The following SAMD5 variants were observed in gnomAD, a reference collection of about 807,000 sequenced individuals.
SAMD5 encodes sterile alpha motif domain-containing protein 5.
A neutral mutation model predicts 11.3 loss-of-function variants in SAMD5; 13 were observed. That is an observed-to-expected ratio of 1.15 (90% confidence interval 0.75 to 1.83). SAMD5 has a LOEUF of 1.83. SAMD5 is among the 40% of genes most tolerant of loss of function. The pLI, the probability that SAMD5 is intolerant of heterozygous loss-of-function variation, is 0.00. For synonymous variants in SAMD5, 129 were observed against 111.3 expected, an observed-to-expected ratio of 1.16 and a Z score of -1.00; for missense variants, 255 against 239.1, an observed-to-expected ratio of 1.07 and a Z score of -0.44.
At chr6:147,586,861 G>A (rs910539558) in intron 1 of SAMD5, among the ~76,000 whole-genome samples, 1 of 151,886 alleles carries the variant, frequency 6.6e-6, no homozygotes, top group Non-Finnish European at 1.5e-5. Flanking sequence ...TCTCTGATAT[G>A]TTATAAAATA....
At chr6:147,710,885 G>A (rs946089446) in intron 1 of SAMD5, among the ~76,000 whole-genome samples, 3 of 151,916 alleles carry the variant, frequency 2.0e-5, no homozygotes, top group African/African-American at 7.3e-5. Context: ...GTACTTTGAA[G>A]GGAGAAACAG....
the SAMD5 span, among the ~76,000 whole-genome samples, chr6:147,836,296 T>C: frequency 1.3e-5 from 2 of 152,226 alleles, no homozygotes; most frequent in Non-Finnish European, 2.9e-5. Context: ...GGCCAGAAAT[T>C]ACCTGTCTAC....
At chr6:147,746,054 T>A in the SAMD5 span, among the ~76,000 whole-genome samples, 1 of 152,306 alleles carries the variant, frequency 6.6e-6, no homozygotes, top group East Asian at 1.9e-4. Flanking sequence ...CAAGTTACTT[T>A]CTTTATCTGA....
At chr6:147,709,858 C>G (rs1278532567) in intron 1 of SAMD5, among the ~76,000 whole-genome samples, 1 of 152,100 alleles carries the variant, frequency 6.6e-6, no homozygotes, top group Non-Finnish European at 1.5e-5. Flanking sequence ...TCATTTGTGG[C>G]CTCGCTATCT....
At chr6:147,599,283 A>G (rs954401884) in intron 1 of SAMD5, among the ~76,000 whole-genome samples, 1 of 152,212 alleles carries the variant, frequency 6.6e-6, no homozygotes, top group Non-Finnish European at 1.5e-5. Flanking sequence ...AGTAAAAGAG[A>G]CAAACAGGGC....
At chr6:147,798,417 A>G in the SAMD5 span, among the ~76,000 whole-genome samples, 1 of 149,822 alleles carries the variant, frequency 6.7e-6, no homozygotes, top group South Asian at 2.1e-4. Context: ...GTTTGATCGC[A>G]CTGTGGTCTG....
At chr6:147,602,539 T>C (rs1789633672) in intron 1 of SAMD5, among the ~76,000 whole-genome samples, 2 of 151,130 alleles carry the variant, frequency 1.3e-5, no homozygotes, top group Non-Finnish European at 3.0e-5. Flanking sequence ...GGGTCAGGAG[T>C]TCAAGACCAG....
At chr6:147,665,437 G>A (rs1790704043) in intron 1 of SAMD5, among the ~76,000 whole-genome samples, 1 of 152,186 alleles carries the variant, frequency 6.6e-6, no homozygotes, top group Non-Finnish European at 1.5e-5. Flanking sequence ...AATTGAGATT[G>A]TGAATTATTA....
chr6:147,841,071 A>G, the SAMD5 span, among the ~76,000 whole-genome samples: 2 of 152,278 alleles, frequency 1.3e-5, no homozygotes, highest in East Asian at 3.9e-4. Context: ...GAGAAGAGTT[A>G]TTTTTCTAGG....
At chr6:147,692,168 G>GT (rs2128457133) in intron 1 of SAMD5, among the ~76,000 whole-genome samples, 1 of 152,250 alleles carries the variant, frequency 6.6e-6, no homozygotes, top group African/African-American at 2.4e-5. Flanking sequence ...CATCTCATAT[G>GT]TTTCTTCATT....
downstream of SAMD5, among the ~76,000 whole-genome samples, chr6:147,572,249 A>T (rs897640091): frequency 6.6e-6 from 1 of 152,146 alleles, no homozygotes; most frequent in Non-Finnish European, 1.5e-5. Flanking sequence ...TTTGTGTTGG[A>T]AGGATAGTGG....
chr6:147,665,241 T>C (rs1790701434), intron 1 of SAMD5, among the ~76,000 whole-genome samples: 1 of 152,214 alleles, frequency 6.6e-6, no homozygotes, highest in Non-Finnish European at 1.5e-5. Flanking sequence ...TAGACAGGTG[T>C]CTTTCCTTTT....
chr6:147,635,836 C>G (rs1790222746), intron 1 of SAMD5, among the ~76,000 whole-genome samples: 1 of 152,230 alleles, frequency 6.6e-6, no homozygotes, highest in Non-Finnish European at 1.5e-5. Flanking sequence ...GGGGCCAACA[C>G]AGCTGACTTT....
chr6:147,949,610 A>G, the SAMD5 span, among the ~76,000 whole-genome samples: 1 of 152,232 alleles, frequency 6.6e-6, no homozygotes, highest in African/African-American at 2.4e-5. Flanking sequence ...AGTTTCTGCC[A>G]GCAAACTTAT....
the SAMD5 span, among the ~76,000 whole-genome samples, chr6:147,757,322 G>C: frequency 2.0e-5 from 3 of 152,200 alleles, no homozygotes; most frequent in Non-Finnish European, 4.4e-5. Flanking sequence ...GGCTGCAAGG[G>C]GTTGACAACA....
chr6:147,655,543 G>A (rs964331249), intron 1 of SAMD5, among the ~76,000 whole-genome samples: 10 of 152,118 alleles, frequency 6.6e-5, no homozygotes, highest in African/African-American at 2.2e-4. Context: ...CATTCAGAGT[G>A]ACTTTATTAA....
chr6:147,739,911 C>T (rs571119193), downstream of SAMD5, among the ~76,000 whole-genome samples: 9 of 152,234 alleles, frequency 5.9e-5, no homozygotes, highest in Admixed American at 5.2e-4. Flanking sequence ...CCTCTGCCTC[C>T]CGGGTTCAAG....
intron 1 of SAMD5, among the ~76,000 whole-genome samples, chr6:147,683,532 C>T (rs1790969016): frequency 6.6e-6 from 1 of 152,038 alleles, no homozygotes; most frequent in Admixed American, 6.5e-5. Flanking sequence ...ACTGGCTTTT[C>T]CTCCTCTTCT....
At chr6:147,618,513 A>T (rs190769878) in intron 1 of SAMD5, among the ~76,000 whole-genome samples, 29 of 152,308 alleles carry the variant, frequency 1.9e-4, no homozygotes, top group Non-Finnish European at 1.5e-4. Flanking sequence ...AGTGGTGAAG[A>T]TATAGGAGGT....
Sources: allele counts gnomAD v4.1 joint callset (sites outside exome capture counted in the v4.1 genomes callset), GRCh38; gene constraint gnomAD v4.1.1; transcripts MANE v1.5; gene names NCBI Gene and HGNC (gene_info 2026-07-23, HGNC 2026-07-21).